BTBD9: variants seen among roughly 807,000 people sequenced by gnomAD.
The protein encoded by BTBD9 is BTB/POZ domain-containing protein 9.
BTBD9 carries 49 observed loss-of-function variants against 64.3 expected under a neutral mutation model. That is an observed-to-expected ratio of 0.76 (90% CI 0.61 to 0.97). BTBD9 has a LOEUF of 0.97. Among genes scored for constraint, BTBD9 ranks in the 50% least tolerant of loss-of-function variants. BTBD9 has a pLI of 0.00. For synonymous variants in BTBD9, 260 were observed against 274.7 expected (o/e 0.95, Z 0.53); for missense variants, 598 against 762.1 (o/e 0.78, Z 2.53).
chr6:38,223,768 TCTC>T (rs925176457), intron 9 of BTBD9, among the ~76,000 whole-genome samples: 7 of 151,940 alleles, frequency 4.6e-5, no homozygotes, highest in Non-Finnish European at 8.8e-5. Context: ...CTTTTTGGAT[TCTC>T]CTTTTTTTTT....
intron 6 of BTBD9, among the ~76,000 whole-genome samples, chr6:38,418,300 T>C (rs1490452323): frequency 6.6e-6 from 1 of 152,300 alleles, no homozygotes; most frequent in East Asian, 1.9e-4. Context: ...GATGCAGAAA[T>C]TGGCCTAATT....
chr6:38,174,778 G>A lies in BTBD9; in HGVS notation c.*207C>T, dbSNP rs796290830. 4.5e-5 allele frequency: 27 copies of A among 602,662 alleles called. No individual in the cohort carries two copies. The African/African-American group carries it at 4.6e-4, about 10-fold the overall frequency. The allele number at this position is 602,662 out of a possible 1,614,324, so 37.3% of individuals were successfully genotyped here. A position where few individuals can be genotyped will look rare whatever the true frequency, so the allele number is the denominator to read the frequency against. Reference sequence around the variant, plus strand: ...ACCCATTTTCTCCCCCTTGAGACCTGCCTGATTTGGATAAATTGAGAAGAA... The same window carrying A: ...ACCCATTTTCTCCCCCTTGAGACCTACCTGATTTGGATAAATTGAGAAGAA... On this transcript the variant is annotated 3_prime_UTR_variant, in exon 11 of 11. Transcript: ENST00000481247.
At chr6:38,333,689 C>A (rs1045064468) in intron 7 of BTBD9, among the ~76,000 whole-genome samples, 1 of 152,190 alleles carries the variant, frequency 6.6e-6, no homozygotes, top group African/African-American at 2.4e-5. Flanking sequence ...TTTCGTGAAG[C>A]CTCTGCAGAA....
At chr6:38,228,525 A>G (rs1763488507) in intron 9 of BTBD9, among the ~76,000 whole-genome samples, 1 of 151,890 alleles carries the variant, frequency 6.6e-6, no homozygotes, top group Admixed American at 6.6e-5. Context: ...GGGATACGGA[A>G]AATCTCTGTA....
At chr6:38,393,741 A>G (rs1766539112) in intron 6 of BTBD9, among the ~76,000 whole-genome samples, 1 of 152,214 alleles carries the variant, frequency 6.6e-6, no homozygotes, top group South Asian at 2.1e-4. Flanking sequence ...CTTACAGGGG[A>G]ATGTCTGCAA....
chr6:38,246,587 C>T (rs888403668), intron 9 of BTBD9, among the ~76,000 whole-genome samples: 5 of 149,710 alleles, frequency 3.3e-5, no homozygotes, highest in African/African-American at 1.2e-4. Context: ...AAAATTAACA[C>T]CAATGTTTGC....
intron 1 of BTBD9, among the ~76,000 whole-genome samples, chr6:38,623,322 A>C (rs544249267): frequency 6.6e-6 from 1 of 152,248 alleles, no homozygotes; most frequent in East Asian, 1.9e-4. Flanking sequence ...AGGGCCATAC[A>C]ACTAATACCC....
intron 8 of BTBD9, among the ~76,000 whole-genome samples, chr6:38,273,485 T>C (rs750208922): frequency 6.6e-5 from 10 of 152,202 alleles, no homozygotes; most frequent in Admixed American, 2.6e-4. Flanking sequence ...TACACAGTCA[T>C]GCAATTCAAA....
intron 6 of BTBD9, among the ~76,000 whole-genome samples, chr6:38,466,283 CTTTTTTTT>C (rs67769669): frequency 1.7e-3 from 76 of 44,090 alleles, no homozygotes; most frequent in African/African-American, 5.5e-3. Context: ...CTTCCTTTTC[CTTTTTTTT>C]TTTTTTTTTT....
At chr6:38,410,159 T>C (rs914063158) in intron 6 of BTBD9, among the ~76,000 whole-genome samples, 2 of 152,204 alleles carry the variant, frequency 1.3e-5, no homozygotes, top group African/African-American at 2.4e-5. Context: ...CTATCTCTTA[T>C]ATCTTAGAAT....
chr6:38,624,681 C>T (rs1235671073), intron 1 of BTBD9, among the ~76,000 whole-genome samples: 2 of 147,006 alleles, frequency 1.4e-5, no homozygotes, highest in Non-Finnish European at 3.0e-5. Flanking sequence ...ACCCCCCATC[C>T]AGAAAAAAAA....
intron 4 of BTBD9, among the ~76,000 whole-genome samples, chr6:38,581,238 T>G (rs1035686501): frequency 6.6e-6 from 1 of 152,146 alleles, no homozygotes; most frequent in Non-Finnish European, 1.5e-5. Context: ...TAAGATGACC[T>G]GTACCTGCCA....
At chr6:38,248,994 G>C (rs1259483824) in intron 9 of BTBD9, among the ~76,000 whole-genome samples, 1 of 152,102 alleles carries the variant, frequency 6.6e-6, no homozygotes, top group Non-Finnish European at 1.5e-5. Context: ...GAGGTGAAGA[G>C]AATATCCTAA....
intron 6 of BTBD9, among the ~76,000 whole-genome samples, chr6:38,553,991 G>A (rs549555497): frequency 3.3e-5 from 5 of 152,172 alleles, no homozygotes; most frequent in South Asian, 2.1e-4. Flanking sequence ...TAGTTTAGCC[G>A]TCTCAGTGTC....
intron 4 of BTBD9, among the ~76,000 whole-genome samples, chr6:38,586,512 G>GA (rs1776534403): frequency 6.6e-6 from 1 of 151,624 alleles, no homozygotes; most frequent in East Asian, 1.9e-4. Context: ...TAAATTCAAA[G>GA]AAAAAGCATT....
intron 6 of BTBD9, among the ~76,000 whole-genome samples, chr6:38,500,928 T>C (rs749507553): frequency 1.3e-5 from 2 of 152,186 alleles, no homozygotes; most frequent in Non-Finnish European, 2.9e-5. Context: ...CAGATCTCCA[T>C]GGGTACAAAG....
At chr6:38,348,445 A>C (rs1764374333) in intron 6 of BTBD9, among the ~76,000 whole-genome samples, 1 of 152,218 alleles carries the variant, frequency 6.6e-6, no homozygotes, top group Admixed American at 6.5e-5. Flanking sequence ...ACTGCTGAAA[A>C]ATAGAACAGA....
intron 9 of BTBD9, among the ~76,000 whole-genome samples, chr6:38,223,660 C>CCTCT (rs1763291830): frequency 6.6e-6 from 1 of 152,100 alleles, no homozygotes; most frequent in Non-Finnish European, 1.5e-5. Flanking sequence ...TAACATCAGT[C>CCTCT]CTCTTCCTCT....
Position 38,347,954 on chromosome 6 carries a change from G to A in BTBD9, c.1155-2861C>T, listed in dbSNP as rs139984434. ...AGAGGTTGCAGTGAGCTGAGATCGCGCCACTGTGCTCCAGCCTGGGTGACA... is the reference window on the plus strand; with the variant it reads ...AGAGGTTGCAGTGAGCTGAGATCGCACCACTGTGCTCCAGCCTGGGTGACA... On this transcript the variant is annotated intron_variant, in intron 6 of 10. Coordinates refer to ENST00000481247, the MANE Select transcript of BTBD9 (RefSeq NM_001099272.2). 9.5e-3 allele frequency among the ~76,000 whole-genome samples: 1,442 copies of A among 152,266 alleles called. 15 individuals are homozygous for A. Among genetic ancestry groups the A allele is most frequent in the African/African-American group, 0.032 (1,338 of 41,548 alleles).
Sources: allele counts gnomAD v4.1 joint callset (sites outside exome capture counted in the v4.1 genomes callset), GRCh38; gene constraint gnomAD v4.1.1; transcripts MANE v1.5; gene names NCBI Gene and HGNC (gene_info 2026-07-23, HGNC 2026-07-21).